The following RYR3 variants were observed in gnomAD, a reference collection of about 807,000 sequenced individuals.
RYR3 encodes brain ryanodine receptor-calcium release channel.
Under a neutral mutation model 584.3 loss-of-function variants are expected in RYR3, and 207 were observed. The observed-to-expected ratio is 0.35, with a 90% CI of 0.32 to 0.40. The LOEUF (loss-of-function observed/expected upper bound fraction) is 0.40, where lower values mean the gene tolerates loss of function less well. Among genes scored for constraint, RYR3 ranks in the 10% least tolerant of loss-of-function variants. RYR3 has a pLI of 1.00. For missense variants in RYR3, 5,616 were observed against 6,089.2 expected, an observed-to-expected ratio of 0.92 and a Z score of 2.59; for synonymous variants, 2,416 against 2,248.5, an observed-to-expected ratio of 1.07 and a Z score of -2.11.
chr15:33,379,687 C>CTCTCTCTCTCTCTCTATATATATATA, intron 1 of RYR3, among the ~76,000 whole-genome samples: 12 of 125,498 alleles, frequency 9.6e-5, no homozygotes, highest in African/African-American at 3.9e-4. Context: ...CTCTCTCTCT[C>CTCTCTCTCTCTCTCTATATATATATA]TATATATATA....
chr15:33,673,907 G>C (rs2063998375), intron 38 of RYR3, among the ~76,000 whole-genome samples: 1 of 152,176 alleles, frequency 6.6e-6, no homozygotes. Context: ...GAGCATGGCT[G>C]AGTCTTTCTG....
intron 32 of RYR3, among the ~76,000 whole-genome samples, chr15:33,653,846 A>G (rs1200583865): frequency 6.6e-6 from 1 of 152,196 alleles, no homozygotes; most frequent in African/African-American, 2.4e-5. Context: ...GGAAACTGCC[A>G]CATATCACAT....
In RYR3 at chr15:33,454,667, AGATTAGAT is replaced by A. The variant is rs556063318; in HGVS notation, c.52-18748_52-18741del. On this transcript the variant is annotated intron_variant, in intron 1 of 103. Coordinates refer to ENST00000634891, the MANE Select transcript of RYR3 (RefSeq NM_001036.6). ...TGGATGCACAATGATGGACCCTCCC[AGATTAGAT>A]GATGTATATGATGCAAGCCTGAGAA... Among the ~76,000 whole-genome samples, 13 of 152,290 alleles carry A rather than the reference AGATTAGAT, an allele frequency of 8.5e-5. No individual in the cohort carries two copies. The South Asian group carries it at 2.1e-3, about 24-fold the overall frequency.
chr15:33,488,610 TG>T (rs1441127248), intron 2 of RYR3, among the ~76,000 whole-genome samples: 3 of 152,028 alleles, frequency 2.0e-5, no homozygotes, highest in African/African-American at 7.2e-5. Context: ...TCCCAGCACT[TG>T]GGAGGACAAG....
intron 29 of RYR3, 76 bp downstream of exon 29, chr15:33,646,602 A>C: frequency 7.5e-7 from 1 of 1,339,334 alleles, no homozygotes; most frequent in Admixed American, 2.2e-5. Context: ...TTTTACCCTA[A>C]CTCAGCATAG....
At chr15:33,736,388 T>A in intron 49 of RYR3, 63 bp downstream of exon 49, 1 of 1,104,584 alleles carries the variant, frequency 9.1e-7, no homozygotes. Flanking sequence ...TTGTAATATG[T>A]GATGTCTTCA....
intron 2 of RYR3, among the ~76,000 whole-genome samples, chr15:33,500,675 C>T (rs2142709069): frequency 6.6e-6 from 1 of 152,244 alleles, no homozygotes; most frequent in South Asian, 2.1e-4. Context: ...TTGCCCCGTG[C>T]CTGCCAGGTA....
chr15:33,350,671 A>C (rs1317187409), intron 1 of RYR3, among the ~76,000 whole-genome samples: 1 of 152,062 alleles, frequency 6.6e-6, no homozygotes, highest in Non-Finnish European at 1.5e-5. Flanking sequence ...CTGGGTACAT[A>C]ACGAAATGAA....
At chr15:33,665,851 A>C (rs1222008150) in intron 36 of RYR3, among the ~76,000 whole-genome samples, 1 of 152,224 alleles carries the variant, frequency 6.6e-6, no homozygotes, top group African/African-American at 2.4e-5. Flanking sequence ...ACCATCCTTT[A>C]GTATTCTAAG....
intron 1 of RYR3, among the ~76,000 whole-genome samples, chr15:33,465,953 A>G (rs1204004766): frequency 6.6e-6 from 1 of 152,150 alleles, no homozygotes; most frequent in African/African-American, 2.4e-5. Context: ...AGAGTTGCCA[A>G]TGTTCTGAAA....
chr15:33,721,231 C>G (rs2067882931), intron 43 of RYR3, among the ~76,000 whole-genome samples: 1 of 152,130 alleles, frequency 6.6e-6, no homozygotes, highest in Non-Finnish European at 1.5e-5. Context: ...AGGCCTCCAC[C>G]CAACATCCAG....
chr15:33,477,393 C>G (rs1305899648), intron 2 of RYR3, among the ~76,000 whole-genome samples: 1 of 152,042 alleles, frequency 6.6e-6, no homozygotes, highest in Non-Finnish European at 1.5e-5. Context: ...ATCATTAACA[C>G]TTGCTATAGA....
chr15:33,725,976 C>CCGCCA (rs1555427643), intron 45 of RYR3, among the ~76,000 whole-genome samples: 1 of 31,514 alleles, frequency 3.2e-5, no homozygotes, highest in Non-Finnish European at 5.9e-5. Flanking sequence ...TCCCCCCCCC[C>CCGCCA]AAAAAAAAAA....
At chr15:33,556,102 C>T (rs775182980) in intron 10 of RYR3, among the ~76,000 whole-genome samples, 6 of 152,190 alleles carry the variant, frequency 3.9e-5, no homozygotes, top group Non-Finnish European at 5.9e-5. Flanking sequence ...TGGGCTCCAC[C>T]TTCCCATATC....
intron 1 of RYR3, among the ~76,000 whole-genome samples, chr15:33,386,348 C>T (rs561590714): frequency 5.9e-5 from 9 of 152,236 alleles, no homozygotes; most frequent in African/African-American, 2.2e-4. Context: ...GTCACTGAGC[C>T]CATATCTTGG....
At chr15:33,717,461 C>G (rs1322523022) in intron 43 of RYR3, among the ~76,000 whole-genome samples, 1 of 152,174 alleles carries the variant, frequency 6.6e-6, no homozygotes, top group Non-Finnish European at 1.5e-5. Flanking sequence ...ATTCCCACAT[C>G]CAGTCCATCA....
intron 74 of RYR3, among the ~76,000 whole-genome samples, 196 bp from the exon 75 acceptor site, chr15:33,816,666 A>G: frequency 6.6e-6 from 1 of 152,220 alleles, no homozygotes; most frequent in East Asian, 1.9e-4. Context: ...AAGGTGCTCT[A>G]ATATTCAAGA....
intron 95 of RYR3, 34 bp from the exon 96 acceptor site, chr15:33,853,521 T>G (rs1200719059): frequency 6.2e-7 from 1 of 1,604,758 alleles, no homozygotes; most frequent in Non-Finnish European, 8.5e-7. Flanking sequence ...TGGTGGCGTG[T>G]GGCCTGAGCT....
intron 3 of RYR3, among the ~76,000 whole-genome samples, chr15:33,524,325 T>G (rs1369064287): frequency 1.3e-5 from 2 of 152,274 alleles, no homozygotes; most frequent in Non-Finnish European, 2.9e-5. Context: ...CACAAATGTT[T>G]TTCTGTGTTT....
Sources: allele counts gnomAD v4.1 joint callset (sites outside exome capture counted in the v4.1 genomes callset), GRCh38; gene constraint gnomAD v4.1.1; transcripts MANE v1.5; gene names NCBI Gene and HGNC (gene_info 2026-07-23, HGNC 2026-07-21).